TMEM63C: variants seen among roughly 807,000 people sequenced by gnomAD.
The protein encoded by TMEM63C is transmembrane protein 63C.
Under a neutral mutation model 99.2 loss-of-function variants are expected in TMEM63C, and 32 were observed. The observed-to-expected ratio is 0.32, with a 90% CI of 0.24 to 0.43. TMEM63C has a LOEUF of 0.43. TMEM63C is among the 20% of genes least tolerant of loss of function. The pLI is 1.00. For missense variants in TMEM63C, 826 were observed against 1,053.0 expected (o/e 0.78, Z 2.98); for synonymous variants, 376 against 397.9 (o/e 0.94, Z 0.66).
At chr14:77,243,242 G>T (rs1404159640) in intron 15 of TMEM63C, among the ~76,000 whole-genome samples, 186 bp downstream of exon 15, 1 of 152,190 alleles carries the variant, frequency 6.6e-6, no homozygotes, top group Admixed American at 6.5e-5. Flanking sequence ...ATGAAGGTGG[G>T]TGACTGCCAG....
At chr14:77,187,947 C>A (rs907346581) in intron 1 of TMEM63C, among the ~76,000 whole-genome samples, 16 of 152,152 alleles carry the variant, frequency 1.1e-4, no homozygotes, top group African/African-American at 3.9e-4. Flanking sequence ...GTGTGTGGGG[C>A]GGGGGGATGT....
chr14:77,233,362 A>G (rs1166547292), intron 7 of TMEM63C, 90 bp from the exon 8 acceptor site: 2 of 1,348,864 alleles, frequency 1.5e-6, no homozygotes, highest in African/African-American at 2.9e-5. Flanking sequence ...GCATCTCCAG[A>G]CCCCACGCAT....
chr14:77,227,399 G>C (rs1888847441), intron 6 of TMEM63C, among the ~76,000 whole-genome samples: 1 of 152,198 alleles, frequency 6.6e-6, no homozygotes, highest in African/African-American at 2.4e-5. Flanking sequence ...TGGTTTCTGG[G>C]GAGGGTAGTA....
intron 1 of TMEM63C, among the ~76,000 whole-genome samples, chr14:77,194,536 TC>T (rs1307213048): frequency 1.3e-3 from 29 of 22,906 alleles, no homozygotes; most frequent in Admixed American, 1.9e-3. Context: ...TTTCTTTCTT[TC>T]TTTCTTTCTT....
intron 6 of TMEM63C, 28 bp from the exon 7 acceptor site, chr14:77,231,560 C>T (rs1035191871): frequency 6.4e-7 from 1 of 1,550,912 alleles, no homozygotes; most frequent in Non-Finnish European, 8.7e-7. Context: ...GCTCCTGAGG[C>T]ACGTCCTTGT....
chr14:77,207,957 G>T (rs1888431638), intron 1 of TMEM63C, among the ~76,000 whole-genome samples: 2 of 152,182 alleles, frequency 1.3e-5, no homozygotes, highest in African/African-American at 4.8e-5. Flanking sequence ...ACATAGCAAA[G>T]TGATCAGGAG....
intron 1 of TMEM63C, among the ~76,000 whole-genome samples, chr14:77,199,725 C>A (rs981062417): frequency 3.3e-5 from 5 of 152,152 alleles, no homozygotes; most frequent in Non-Finnish European, 5.9e-5. Flanking sequence ...TCTTGTGTCT[C>A]CACCTGGCTG....
At position 77,186,455 on chromosome 14, in the gene TMEM63C, G is replaced by A. The variant is rs986683639; in HGVS notation, c.-77+4561G>A. On this transcript the variant is annotated intron_variant, in intron 1 of 23. Transcript: ENST00000298351. The stretch of plus-strand genomic sequence containing the variant: ...ATGGTGGCTCATGCCTATAATCCCA[G>A]CACTTTGGGGGGCCTAGGAGGGAGG... Among the ~76,000 whole-genome samples the A allele has an allele frequency of 2.6e-5, 4 of 152,180 alleles. No homozygotes were observed. The East Asian group carries it at 7.7e-4, about 29-fold the overall frequency.
intron 21 of TMEM63C, among the ~76,000 whole-genome samples, chr14:77,250,693 T>C (rs537636871): frequency 6.6e-6 from 1 of 152,228 alleles, no homozygotes; most frequent in East Asian, 1.9e-4. Context: ...GAGGCAGTGT[T>C]TTCTTTTCTC....
At chr14:77,235,243 T>G (rs1415850459) in intron 8 of TMEM63C, among the ~76,000 whole-genome samples, 1 of 151,088 alleles carries the variant, frequency 6.6e-6, no homozygotes, top group African/African-American at 2.4e-5. Context: ...AAGGTGTTCC[T>G]GGAAAGACTG....
At chr14:77,239,576 CCTT>C in intron 11 of TMEM63C, 24 bp from the exon 12 acceptor site, 1 of 1,613,086 alleles carries the variant, frequency 6.2e-7, no homozygotes, top group Non-Finnish European at 8.5e-7. Context: ...ACCTGCAGGT[CCTT>C]CTCCTGTTGC....
chr14:77,186,243 C>A (rs948353795), intron 1 of TMEM63C, among the ~76,000 whole-genome samples: 4 of 152,056 alleles, frequency 2.6e-5, no homozygotes, highest in African/African-American at 9.7e-5. Context: ...AAACTCCTGA[C>A]CTCAGGTGAT....
At chr14:77,225,494 TG>T in intron 6 of TMEM63C, 33 bp downstream of exon 6, 1 of 1,611,158 alleles carries the variant, frequency 6.2e-7, no homozygotes, top group Non-Finnish European at 8.5e-7. Flanking sequence ...CTTGTGACCG[TG>T]TTGCCTTGGG....
intron 3 of TMEM63C, 129 bp downstream of exon 3, chr14:77,219,092 T>C: frequency 8.9e-7 from 1 of 1,129,004 alleles, no homozygotes; most frequent in Non-Finnish European, 1.2e-6. Context: ...TGCCTGAATG[T>C]CAGTCCTGCC....
chr14:77,218,745 T>C (rs1888637103), intron 2 of TMEM63C, 56 bp from the exon 3 acceptor site: 2 of 1,581,590 alleles, frequency 1.3e-6, no homozygotes, highest in African/African-American at 1.3e-5. Context: ...GGCTTCTGTG[T>C]TTTGCAAAAT....
At chr14:77,219,353 C>T in intron 3 of TMEM63C, 145 bp from the exon 4 acceptor site, 2 of 755,142 alleles carry the variant, frequency 2.6e-6, no homozygotes, top group South Asian at 1.7e-5. Context: ...AGGAATGGCC[C>T]CTACTCCAAC....
At chr14:77,198,324 G>A (rs573143735) in intron 1 of TMEM63C, among the ~76,000 whole-genome samples, 6 of 152,350 alleles carry the variant, frequency 3.9e-5, no homozygotes, top group South Asian at 2.1e-4. Flanking sequence ...CCCCTCTGGC[G>A]GAAGAGAGGC....
chr14:77,251,991 A>G, intron 22 of TMEM63C, 93 bp downstream of exon 22: 1 of 1,032,612 alleles, frequency 9.7e-7, no homozygotes, highest in South Asian at 1.3e-5. Context: ...CCATAGCACC[A>G]CAGGATGAAA....
At chr14:77,203,147 G>A (rs1463069992) in intron 1 of TMEM63C, among the ~76,000 whole-genome samples, 4 of 152,162 alleles carry the variant, frequency 2.6e-5, no homozygotes, top group African/African-American at 9.7e-5. Context: ...GGAGGCCGAG[G>A]TGGGTGAATC....
Sources: allele counts gnomAD v4.1 joint callset (sites outside exome capture counted in the v4.1 genomes callset), GRCh38; gene constraint gnomAD v4.1.1; transcripts MANE v1.5; gene names NCBI Gene and HGNC (gene_info 2026-07-23, HGNC 2026-07-21).